RNF213: variants seen among roughly 807,000 people sequenced by gnomAD.
RNF213 encodes E3 ubiquitin-protein ligase RNF213.
A neutral mutation model predicts 514.4 loss-of-function variants in RNF213; 341 were observed. The ratio of observed to expected loss-of-function variants is 0.66; its 90% CI spans 0.61 to 0.73. RNF213 has a LOEUF of 0.73. Among genes scored for constraint, RNF213 ranks in the 30% least tolerant of loss-of-function variants. RNF213 has a pLI of 0.00. For synonymous variants in RNF213, 2,655 were observed against 2,658.2 expected, an observed-to-expected ratio of 1.00 and a Z score of 0.04; for missense variants, 5,767 against 6,615.6, an observed-to-expected ratio of 0.87 and a Z score of 4.45.
intron 8 of RNF213, among the ~76,000 whole-genome samples, chr17:80,292,779 C>T (rs1001248027): frequency 1.3e-5 from 2 of 152,000 alleles, no homozygotes; most frequent in Non-Finnish European, 2.9e-5. Context: ...CCTGGGGGGT[C>T]CTGGGCTTCC....
Position 80,288,136 on chromosome 17 carries a change from C to A in RNF213, c.583C>A (p.Gln195Lys), listed in dbSNP as rs144174438. 4.2e-5 allele frequency: 67 copies of A among 1,609,648 alleles called. No individual in the cohort carries two copies. The African/African-American group carries it at 5.6e-4, about 13-fold the overall frequency. ...AGGAAGTGAGGCTCAGAGCAGCCCGCAATTCCAGGACCACACGGAAGGGGA... is the reference window on the plus strand; with the variant it reads ...AGGAAGTGAGGCTCAGAGCAGCCCGAAATTCCAGGACCACACGGAAGGGGA... ...ATGSEAQSSP[Q>K]FQDHTEGEDQ... The change falls in exon 4 of 68, where the codon CAA becomes AAA. Residue 195 changes from glutamine (Q) to lysine (K), a missense_variant. By Grantham distance (53) the Gln-to-Lys change is moderately conservative. Transcript: ENST00000582970. The surrounding 1 kb of genome is among the most constrained non-coding windows in gnomAD (Gnocchi z 4.9).
At position 80,377,525 on chromosome 17, in the gene RNF213, A is replaced by G. The variant is rs565778768; in HGVS notation, c.13511-237A>G. Among the ~76,000 whole-genome samples, 1 of 152,148 alleles carries G rather than the reference A, an allele frequency of 6.6e-6. No homozygotes were observed. The highest frequency in any genetic ancestry group is 2.4e-5 in the African/African-American group (1 of 41,442). The stretch of plus-strand genomic sequence containing the variant: ...TACCCCTGGTATGGGCCTATATTCT[A>G]ATTGCTCTTTACTTGATAAAATTAA... On this transcript the variant is annotated intron_variant, in intron 53 of 67. Coordinates refer to ENST00000582970, the MANE Select transcript of RNF213 (RefSeq NM_001256071.3). The surrounding 1 kb of genome is among the most constrained non-coding windows in gnomAD (Gnocchi z 4.1).
At position 80,388,664 on chromosome 17, in the gene RNF213, T is replaced by C. The variant is rs148615211; in HGVS notation, c.14975T>C (p.Met4992Thr). Residue 4992 changes from methionine (M) to threonine (T), a missense_variant, in exon 64 of 68, where the codon ATG becomes ACG. Coordinates refer to ENST00000582970, the MANE Select transcript of RNF213 (RefSeq NM_001256071.3). ...RHDWNYEHLF[M>T]DIKNKMAQDS... ...GACTGGAACTATGAACATCTCTTTATGGACATCAAGAACAAAATGGCACAG... is the reference window on the plus strand; with the variant it reads ...GACTGGAACTATGAACATCTCTTTACGGACATCAAGAACAAAATGGCACAG... The C allele has an allele frequency of 1.2e-6, 2 of 1,612,564 alleles. No individual in the cohort carries two copies. The highest frequency in any genetic ancestry group is 1.3e-5 in the African/African-American group (1 of 75,032).
At chr17:80,391,105 TAA>T (rs1225989100) in intron 67 of RNF213, among the ~76,000 whole-genome samples, 2 of 152,186 alleles carry the variant, frequency 1.3e-5, no homozygotes. Flanking sequence ...TACCAATGTA[TAA>T]AGAGTGTATG....
At position 80,393,692 on chromosome 17, in the gene RNF213, A is replaced by G. The variant is rs1008744490; in HGVS notation, c.*194A>G. 3 of 582,062 alleles carry G rather than the reference A, an allele frequency of 5.2e-6. No individual in the cohort carries two copies. The highest frequency in any genetic ancestry group is 9.2e-6 in the Non-Finnish European group (3 of 326,372). 36.1% of individuals were successfully genotyped at this position (582,062 alleles called of 1,614,324 possible). ...AAGCCGAGCTGTTTCTGAACCATGT[A>G]CATACATGTTCTGAAACTTTCTCAT... is the stretch of plus-strand genomic sequence containing the variant. On this transcript the variant is annotated 3_prime_UTR_variant, in exon 68 of 68. Coordinates refer to ENST00000582970, the MANE Select transcript of RNF213 (RefSeq NM_001256071.3).
At chr17:80,291,564 G>T in intron 7 of RNF213, 64 bp from the exon 8 acceptor site, 1 of 1,514,868 alleles carries the variant, frequency 6.6e-7, no homozygotes, top group South Asian at 1.1e-5. Context: ...TGCTACGTTT[G>T]AGAATAACTA....
chr17:80,305,101 C>T (rs1352962172), intron 11 of RNF213, among the ~76,000 whole-genome samples: 18 of 151,916 alleles, frequency 1.2e-4, no homozygotes. Context: ...TCTCAAACTG[C>T]TGGCCTCAAG....
At chr17:80,375,972 T>A (rs2079739898) in intron 51 of RNF213, 102 bp downstream of exon 51, 1 of 949,222 alleles carries the variant, frequency 1.1e-6, no homozygotes, top group Non-Finnish European at 1.7e-6. Context: ...ATAATTTTTT[T>A]ATCTAGGATA....
At chr17:80,272,917 T>G (rs1422845653) in intron 2 of RNF213, among the ~76,000 whole-genome samples, 1 of 152,102 alleles carries the variant, frequency 6.6e-6, no homozygotes, top group Non-Finnish European at 1.5e-5. Context: ...AGGCTCTGTT[T>G]TAGAGGTGCC....
At chr17:80,309,540 C>T (rs567280366) in intron 14 of RNF213, among the ~76,000 whole-genome samples, 2 of 152,274 alleles carry the variant, frequency 1.3e-5, no homozygotes, top group South Asian at 2.1e-4. Context: ...CAGAGAACTA[C>T]GGGGACCATT....
intron 51 of RNF213, 32 bp downstream of exon 51, chr17:80,375,902 G>A (rs1437017679): frequency 2.8e-6 from 4 of 1,416,770 alleles, no homozygotes; most frequent in Non-Finnish European, 3.0e-6. Context: ...TGTGTTCAAA[G>A]TCTCAGTATT....
chr17:80,360,065 A>T lies in RNF213; in HGVS notation c.11059A>T (p.Lys3687Ter). Residue 3687 changes from lysine (K) to a stop codon, truncating the protein, a stop_gained, in exon 38 of 68, where the codon AAA becomes TAA. Coordinates refer to ENST00000582970, the MANE Select transcript of RNF213 (RefSeq NM_001256071.3). LOFTEE classifies it high-confidence loss of function. ...TCATCCCTCACCTTATTGCAGACATAAAGGTGAGATGGCCTACATCGTGGT... is the reference window on the plus strand; with the variant it reads ...TCATCCCTCACCTTATTGCAGACATTAAGGTGAGATGGCCTACATCGTGGT... ...IPLVMNNERH[K>*]GEMAYIVVQN... The T allele has an allele frequency of 6.2e-7, 1 of 1,614,020 alleles. No individual in the cohort carries two copies. The highest frequency in any genetic ancestry group is 8.5e-7 in the Non-Finnish European group (1 of 1,179,898).
Position 80,386,861 on chromosome 17 carries a change from C to G in RNF213, c.14892C>G (p.Phe4964Leu). ...EKIQRQIVSRFLQGKPRLSLK... is the reference protein window; with the variant it reads ...EKIQRQIVSRLLQGKPRLSLK... ...TTCAGCGGCAGATCGTCAGCCGCTT[C>G]CTCCAGGGCAAGCCCCGGCTGAGCC... The change falls in exon 63 of 68, where the codon TTC becomes TTG. Residue 4964 changes from phenylalanine (F) to leucine (L), a missense_variant. By Grantham distance (22) the Phe-to-Leu change is conservative. Transcript: ENST00000582970. The G allele has an allele frequency of 6.2e-7, 1 of 1,613,760 alleles. No homozygotes were observed. Among genetic ancestry groups the G allele is most frequent in the Non-Finnish European group, 8.5e-7 (1 of 1,179,984 alleles).
At chr17:80,379,113 G>A (rs551893574) in intron 54 of RNF213, among the ~76,000 whole-genome samples, 2 of 151,702 alleles carry the variant, frequency 1.3e-5, no homozygotes, top group South Asian at 4.2e-4. Context: ...GATTGCTTGA[G>A]CCTGGGGAGG....
Position 80,354,021 on chromosome 17 carries a change from G to T in RNF213, c.10581G>T (p.Val3527=), listed in dbSNP as rs768296294. 1 of 1,613,782 alleles carries T rather than the reference G, an allele frequency of 6.2e-7. No homozygotes were observed. Among genetic ancestry groups the T allele is most frequent in the African/African-American group, 1.3e-5 (1 of 75,060 alleles). ...GACCCAACCGTCTCCACCAACAGGT[G>T]TCGATCCTGGACACCACCAGGCTGC... The part of the protein sequence containing the change: ...KETSELGGSD[V]SILDTTRLLR... Residue 3527 remains valine (V), a splice_region_variant and synonymous_variant, in exon 35 of 68, where the codon GTG becomes GTT. Coordinates refer to ENST00000582970, the MANE Select transcript of RNF213 (RefSeq NM_001256071.3).
At position 80,288,841 on chromosome 17, in the gene RNF213, T is replaced by A; in HGVS notation, c.933+86T>A. 3 of 1,601,754 alleles carry A rather than the reference T, an allele frequency of 1.9e-6. No individual in the cohort carries two copies. The highest frequency in any genetic ancestry group is 2.6e-6 in the Non-Finnish European group (3 of 1,171,966). Reference sequence around the variant, plus strand: ...TTTCATTTAATTATTCAGCAAATATTTAAGTGCTGGGGATATAGCCATGAT... The same window carrying A: ...TTTCATTTAATTATTCAGCAAATATATAAGTGCTGGGGATATAGCCATGAT... On this transcript the variant is annotated intron_variant, in intron 5 of 67. Coordinates refer to ENST00000582970, the MANE Select transcript of RNF213 (RefSeq NM_001256071.3). This position sits in a 1 kb window ranked among gnomAD's most constrained non-coding sequence, Gnocchi z 4.9.
chr17:80,386,797 A>G lies in RNF213; in HGVS notation c.14828A>G (p.Glu4943Gly). 1.2e-6 allele frequency: 2 copies of G among 1,614,154 alleles called. No individual in the cohort carries two copies. Among genetic ancestry groups the G allele is most frequent in the Non-Finnish European group, 1.7e-6 (2 of 1,180,008 alleles). ...ILSNCQYQVE[E>G]GRETVQEFDL... The stretch of plus-strand genomic sequence containing the variant: ...TCCAACTGCCAGTACCAGGTGGAGG[A>G]GGGCAGAGAGACCGTGCAGGAGTTC... Residue 4943 changes from glutamate (E) to glycine (G), a missense_variant, in exon 63 of 68, where the codon GAG becomes GGG. Transcript: ENST00000582970.
rs1202743968 is a variant in RNF213 at position 80,328,004 on chromosome 17, G to A, written c.3367+15G>A. On this transcript the variant is annotated intron_variant, in intron 19 of 67. Transcript: ENST00000582970. ...CTGGCAACTGAGTAAGCATCGAGTC[G>A]ATACGCACTTCAGGCTCCTGAGGCA... The A allele has an allele frequency of 5.9e-6, 9 of 1,536,900 alleles. No individual in the cohort carries two copies. In the South Asian group the frequency reaches 7.1e-5, roughly 12 times the overall value.
chr17:80,285,167 T>G (rs1277333686), intron 3 of RNF213, among the ~76,000 whole-genome samples: 1 of 152,186 alleles, frequency 6.6e-6, no homozygotes, highest in Non-Finnish European at 1.5e-5. Flanking sequence ...CCTACAACTC[T>G]CCGTGTGCTT....
Sources: allele counts gnomAD v4.1 joint callset (sites outside exome capture counted in the v4.1 genomes callset), GRCh38; gene constraint gnomAD v4.1.1; non-coding constraint Gnocchi (gnomAD v3.1); transcripts MANE v1.5; gene names NCBI Gene and HGNC (gene_info 2026-07-23, HGNC 2026-07-21).